The following BMP1 variants were observed in gnomAD, a reference collection of about 807,000 sequenced individuals.
BMP1 encodes the protein bone morphogenetic protein 1.
In BMP1, 63 loss-of-function variants were observed where a neutral mutation model predicts 116.8. The observed-to-expected ratio is 0.54, with a 90% CI of 0.44 to 0.67. The LOEUF (loss-of-function observed/expected upper bound fraction) is 0.67, where lower values mean the gene tolerates loss of function less well. Ranked by LOEUF, BMP1 falls within the 30% of genes least tolerant of loss-of-function variation. The pLI, the probability that BMP1 is intolerant of heterozygous loss-of-function variation, is 0.00. For missense variants in BMP1, 1,183 were observed against 1,358.9 expected (o/e 0.87, Z 2.04); for synonymous variants, 536 against 533.4 (o/e 1.00, Z -0.07).
At chr8:22,205,546 A>G (rs888881894) in intron 16 of BMP1, among the ~76,000 whole-genome samples, 1 of 152,080 alleles carries the variant, frequency 6.6e-6, no homozygotes, top group Non-Finnish European at 1.5e-5. Context: ...AAGCTGAGGC[A>G]GGAGGATCGC....
At position 22,177,011 on chromosome 8, in the gene BMP1, T is replaced by G; in HGVS notation, c.602T>G (p.Ile201Ser). 1 of 1,612,762 alleles carries G rather than the reference T, an allele frequency of 6.2e-7. No individual in the cohort carries two copies. The highest frequency in any genetic ancestry group is 1.7e-4 in the Middle Eastern group (1 of 6,056). ...RRGGGPQAIS[I>S]GKNCDKFGIV... The stretch of plus-strand genomic sequence containing the variant: ...GGCGGGGGCCCCCAGGCCATCTCCA[T>G]CGGCAAGAACTGTGACAAGTTCGGC... Residue 201 changes from isoleucine to serine, a missense_variant, in exon 5 of 20, where the codon ATC (isoleucine) becomes AGC (serine). Coordinates refer to ENST00000306385, the MANE Select transcript of BMP1 (RefSeq NM_006129.5).
rs1237850911 is a variant in BMP1, at chr8:22,179,634, A to G, written c.837-71A>G. The G allele has an allele frequency of 6.2e-7, 1 of 1,605,944 alleles. No homozygotes were observed. The highest frequency in any genetic ancestry group is 2.2e-5 in the East Asian group (1 of 44,490). ...GCAGGGTCGTGACTTGTGGGTACAG[A>G]TGGGCATGCCACCCACTCCCTGCCC... On this transcript the variant is annotated intron_variant, in intron 6 of 19. Coordinates refer to ENST00000306385, the MANE Select transcript of BMP1 (RefSeq NM_006129.5). The surrounding 1 kb of genome is among the most constrained non-coding windows in gnomAD (Gnocchi z 4.6).
At chr8:22,165,987 G>T (rs1828093729) in intron 1 of BMP1, among the ~76,000 whole-genome samples, 1 of 149,230 alleles carries the variant, frequency 6.7e-6, no homozygotes, top group African/African-American at 2.5e-5. Context: ...AGCCTGTCTG[G>T]GCTGCCCTGG....
At chr8:22,177,162 G>C (rs769703517) in intron 5 of BMP1, 23 bp downstream of exon 5, 2 of 1,562,542 alleles carry the variant, frequency 1.3e-6, no homozygotes, top group South Asian at 1.2e-5. Flanking sequence ...CCCTCGGTGC[G>C]GCCTTGGTGG....
intron 16 of BMP1, among the ~76,000 whole-genome samples, chr8:22,205,953 A>G (rs1343956029): frequency 6.6e-6 from 1 of 152,126 alleles, no homozygotes; most frequent in East Asian, 1.9e-4. Context: ...GGACCGTTAT[A>G]TGTCTGTTGA....
At chr8:22,189,334 C>T (rs2099891361) in intron 8 of BMP1, among the ~76,000 whole-genome samples, 1 of 151,828 alleles carries the variant, frequency 6.6e-6, no homozygotes, top group African/African-American at 2.4e-5. Context: ...CCGTTCCATG[C>T]CAGCACTCAG....
At chr8:22,168,366 G>T (rs1335847897) in intron 1 of BMP1, among the ~76,000 whole-genome samples, 1 of 152,128 alleles carries the variant, frequency 6.6e-6, no homozygotes, top group Non-Finnish European at 1.5e-5. Context: ...CTGTTTGGCT[G>T]CCCCAGGTGA....
intron 17 of BMP1, 151 bp from the exon 18 acceptor site, chr8:22,207,152 C>A: frequency 7.3e-7 from 1 of 1,378,396 alleles, no homozygotes. Context: ...GCGTCCCTGC[C>A]TTCGCCCTAT....
At position 22,191,960 on chromosome 8, in the gene BMP1, G is replaced by C. The variant is rs1368777376; in HGVS notation, c.1078-89G>C. 23 of 1,238,048 alleles carry C rather than the reference G, an allele frequency of 1.9e-5. No individual in the cohort carries two copies. In the East Asian group the frequency reaches 3.1e-4, roughly 17 times the overall value. The allele number at this position is 1,238,048 out of a possible 1,614,324, so 76.7% of individuals were successfully genotyped here. On this transcript the variant is annotated intron_variant, in intron 8 of 19. Transcript: ENST00000306385. ...TCTCGCCCAGGGGGACCTGCCTCGC[G>C]TAAGGCGGGCGGTGGTCATCATGGG...
chr8:22,196,756 C>A lies in BMP1; in HGVS notation c.1842C>A (p.Asn614Lys), dbSNP rs1432542520. The stretch of plus-strand genomic sequence containing the variant: ...GCTGGCCCAAGGAGTACCCCCCCAA[C>A]AAGAACTGCATCTGGCAGCTGGTGG... ...SPGWPKEYPP[N>K]KNCIWQLVAP... Residue 614 changes from asparagine to lysine, a missense_variant, in exon 14 of 20, where the codon AAC becomes AAA. Physicochemically the swap from Asn to Lys is moderately conservative, Grantham distance 94. Coordinates refer to ENST00000306385, the MANE Select transcript of BMP1 (RefSeq NM_006129.5). 11 of 1,614,110 alleles carry A rather than the reference C, an allele frequency of 6.8e-6. No individual in the cohort carries two copies. Among genetic ancestry groups the A allele is most frequent in the Admixed American group, 1.7e-5 (1 of 60,020 alleles).
intron 1 of BMP1, 148 bp from the exon 2 acceptor site, chr8:22,173,454 C>T (rs1473301920): frequency 1.6e-5 from 9 of 557,640 alleles, no homozygotes; most frequent in South Asian, 2.7e-5. Context: ...CCTAACTGCC[C>T]TTCTCCTTCT....
At chr8:22,198,908 T>C in intron 15 of BMP1, 1 of 1,196,010 alleles carries the variant, frequency 8.4e-7, no homozygotes, top group Non-Finnish European at 1.1e-6. Context: ...CTGGGACTCC[T>C]AAGAGGTGCT....
In BMP1 at chr8:22,196,146, A is replaced by C. The variant is rs895495139; in HGVS notation, c.1766-534A>C. The stretch of plus-strand genomic sequence containing the variant: ...TTTCGGGTTTTTTTTGTAAATGACC[A>C]TCTTGACTTGCTAACTGATATCACC... On this transcript the variant is annotated intron_variant, in intron 13 of 19. Coordinates refer to ENST00000306385, the MANE Select transcript of BMP1 (RefSeq NM_006129.5). 19 of 508,250 alleles carry C rather than the reference A, an allele frequency of 3.7e-5. No homozygotes were observed. In the Admixed American group the frequency reaches 3.9e-4, roughly 10 times the overall value. The allele number at this position is 508,250 out of a possible 1,614,324, so 31.5% of individuals were successfully genotyped here.
rs1829369711 is a variant in BMP1 at position 22,206,905 on chromosome 8, A to G, written c.2285A>G (p.Asn762Ser). Residue 762 changes from asparagine to serine, a missense_variant, in exon 17 of 20, where the codon AAC becomes AGC. By Grantham distance (46) the Asn-to-Ser change is conservative. Coordinates refer to ENST00000306385, the MANE Select transcript of BMP1 (RefSeq NM_006129.5). ...ACCAGTGGTACCATCACCAGCCCCA[A>G]CTGGCCTGACAAGTATCCCAGCAAG... ...TSTSGTITSP[N>S]WPDKYPSKKE... The G allele has an allele frequency of 1.9e-6, 3 of 1,614,060 alleles. No homozygotes were observed. Among genetic ancestry groups the G allele is most frequent in the Non-Finnish European group, 2.5e-6 (3 of 1,180,024 alleles).
Position 22,179,912 on chromosome 8 carries a change from A to G in BMP1, c.961+83A>G. The G allele has an allele frequency of 7.1e-7, 1 of 1,405,302 alleles. No homozygotes were observed. The highest frequency in any genetic ancestry group is 2.2e-5 in the Admixed American group (1 of 45,364). 87.1% of individuals were successfully genotyped at this position (1,405,302 alleles called of 1,614,324 possible). A position where few individuals can be genotyped will look rare whatever the true frequency, so the allele number is the denominator to read the frequency against. ...GGCCAGGTGCCTGGTGCCACCAAGA[A>G]GGCTTAGGCTGCAAGTCTTAGAGAA... On this transcript the variant is annotated intron_variant, in intron 7 of 19. Coordinates refer to ENST00000306385, the MANE Select transcript of BMP1 (RefSeq NM_006129.5). This position sits in a 1 kb window ranked among gnomAD's most constrained non-coding sequence, Gnocchi z 4.6.
At chr8:22,207,586 A>C in intron 18 of BMP1, 70 bp downstream of exon 18, 1 of 1,546,200 alleles carries the variant, frequency 6.5e-7, no homozygotes, top group Non-Finnish European at 8.8e-7. Flanking sequence ...CGGGGGTTTC[A>C]ATGCGGGTAT....
chr8:22,190,917 C>T (rs367548359), intron 8 of BMP1, among the ~76,000 whole-genome samples: 23 of 152,196 alleles, frequency 1.5e-4, no homozygotes, highest in African/African-American at 5.3e-4. Context: ...TCGCAGGTCA[C>T]GGTGAACACA....
At chr8:22,166,761 A>C (rs1208059438) in intron 1 of BMP1, among the ~76,000 whole-genome samples, 1 of 152,134 alleles carries the variant, frequency 6.6e-6, no homozygotes, top group Non-Finnish European at 1.5e-5. Context: ...GGAGGAAATC[A>C]GGGCAAATCC....
In BMP1 at chr8:22,201,923, A is replaced by G; in HGVS notation, c.2228A>G (p.Lys743Arg). Residue 743 changes from lysine (K) to arginine (R), a missense_variant, in exon 16 of 20, where the codon AAA (lysine) becomes AGA (arginine). This residue lies in a region of BMP1 where 956 missense variants were observed against 1,135.2 expected (regional missense o/e 0.84). Coordinates refer to ENST00000306385, the MANE Select transcript of BMP1 (RefSeq NM_006129.5). The stretch of plus-strand genomic sequence containing the variant: ...CTCCATGACAACAAGCACGACTGCA[A>G]AGAAGGTACGGGCTGCATGCCAGGG... ...FVLHDNKHDC[K>R]EAGCDHKVTS... The G allele has an allele frequency of 6.2e-7, 1 of 1,612,788 alleles. No individual in the cohort carries two copies. Among genetic ancestry groups the G allele is most frequent in the Non-Finnish European group, 8.5e-7 (1 of 1,179,338 alleles).
Sources: allele counts gnomAD v4.1 joint callset (sites outside exome capture counted in the v4.1 genomes callset), GRCh38; gene constraint gnomAD v4.1.1; regional missense constraint gnomAD v4.1.1; non-coding constraint Gnocchi (gnomAD v3.1); transcripts MANE v1.5; gene names NCBI Gene and HGNC (gene_info 2026-07-23, HGNC 2026-07-21).